The following SARDH variants were observed in gnomAD, a reference collection of about 807,000 sequenced individuals.
SARDH encodes the protein sarcosine dehydrogenase, mitochondrial.
Under a neutral mutation model 109.1 loss-of-function variants are expected in SARDH, and 95 were observed. The ratio of observed to expected loss-of-function variants is 0.87; its 90% CI spans 0.74 to 1.03. The LOEUF (loss-of-function observed/expected upper bound fraction) is 1.03. SARDH is among the 50% of genes least tolerant of loss of function. The pLI is 0.00. For missense variants in SARDH, 1,267 were observed against 1,287.8 expected, an observed-to-expected ratio of 0.98 and a Z score of 0.25; for synonymous variants, 572 against 534.8, an observed-to-expected ratio of 1.07 and a Z score of -0.96.
At chr9:133,668,275 GTCCCTCTCCCTCCCTCTCCC>G (rs201431408) in intron 19 of SARDH, among the ~76,000 whole-genome samples, 22 of 107,350 alleles carry the variant, frequency 2.0e-4, no homozygotes, top group East Asian at 6.4e-4. Context: ...TCCACTCACC[GTCCCTCTCCCTCCCTCTCCC>G]TCCCTCTCCC....
chr9:133,730,246 C>T (rs1254717780), intron 4 of SARDH, 59 bp from the exon 5 acceptor site: 7 of 1,594,258 alleles, frequency 4.4e-6, no homozygotes, highest in Non-Finnish European at 6.0e-6. Flanking sequence ...GTGCTTCCCA[C>T]CCCACTCCAA....
intron 8 of SARDH, among the ~76,000 whole-genome samples, chr9:133,715,001 C>T (rs1434553253): frequency 6.6e-6 from 1 of 152,190 alleles, no homozygotes; most frequent in Non-Finnish European, 1.5e-5. Context: ...GGTTGAGTAA[C>T]CCGAGGACAC....
chr9:133,671,030 C>T (rs2073834), intron 18 of SARDH, among the ~76,000 whole-genome samples: 76,584 of 151,722 alleles, frequency 0.5, 19,642 homozygotes, highest in East Asian at 0.78. Context: ...TCCCAATGCC[C>T]AAGCTGGGTG....
chr9:133,692,760 T>C lies in SARDH; in HGVS notation c.1921+1498A>G, dbSNP rs1831146737. 6.6e-6 allele frequency among the ~76,000 whole-genome samples: 1 copy of C among 152,126 alleles called. No individual in the cohort carries two copies. The highest frequency in any genetic ancestry group is 1.5e-5 in the Non-Finnish European group (1 of 68,020). ...TTCCACACAGTGCAGGCTCACGTGA[T>C]GACTGTTGAGGGAACGAGCGAAGGA... On this transcript the variant is annotated intron_variant, in intron 15 of 20. Coordinates refer to ENST00000439388, the MANE Select transcript of SARDH (RefSeq NM_001134707.2). The surrounding 1 kb of genome is among the most constrained non-coding windows in gnomAD (Gnocchi z 5.0).
chr9:133,729,157 G>A (rs1318499821), intron 6 of SARDH, among the ~76,000 whole-genome samples: 2 of 152,058 alleles, frequency 1.3e-5, no homozygotes, highest in Non-Finnish European at 2.9e-5. Flanking sequence ...ACAGAGAGAG[G>A]AATGAGTAAG....
intron 8 of SARDH, among the ~76,000 whole-genome samples, chr9:133,716,525 C>G (rs1832127965): frequency 6.6e-6 from 1 of 152,180 alleles, no homozygotes; most frequent in South Asian, 2.1e-4. Flanking sequence ...CACCCGCCCC[C>G]TGGGGCAGAG....
chr9:133,736,939 C>A (rs550413282), intron 1 of SARDH, among the ~76,000 whole-genome samples: 2 of 152,338 alleles, frequency 1.3e-5, no homozygotes, highest in East Asian at 3.9e-4. Flanking sequence ...TAGCTATGCA[C>A]GTTCGTTCAC....
In SARDH at chr9:133,679,713, C is replaced by T. The variant is rs1359165271; in HGVS notation, c.2163+5480G>A. 2.0e-5 allele frequency among the ~76,000 whole-genome samples: 3 copies of T among 152,250 alleles called. No individual in the cohort carries two copies. The East Asian group carries it at 5.8e-4, about 29-fold the overall frequency. ...CTCCCCACCCTGCTTCCTCCTCTAG[C>T]AGTCCAGGGATCGTGGCAGCCTGGG... is the stretch of plus-strand genomic sequence containing the variant. On this transcript the variant is annotated intron_variant, in intron 17 of 20. Coordinates refer to ENST00000439388, the MANE Select transcript of SARDH (RefSeq NM_001134707.2).
chr9:133,718,680 A>G lies in SARDH; in HGVS notation c.1020+258T>C, dbSNP rs1832215398. ...GCTCTCATGCCCTTCTGAGGTCATCACTCCACACTGCGCAGACCTTCTCTG... is the reference window on the plus strand; with the variant it reads ...GCTCTCATGCCCTTCTGAGGTCATCGCTCCACACTGCGCAGACCTTCTCTG... On this transcript the variant is annotated intron_variant, in intron 7 of 20. Transcript: ENST00000439388. The surrounding 1 kb of genome is among the most constrained non-coding windows in gnomAD (Gnocchi z 4.2). The G allele has an allele frequency of 1.3e-6, 1 of 778,878 alleles. No homozygotes were observed. The highest frequency in any genetic ancestry group is 2.4e-6 in the Non-Finnish European group (1 of 417,854). 48.2% of individuals were successfully genotyped at this position (778,878 alleles called of 1,614,324 possible). A position where few individuals can be genotyped will look rare whatever the true frequency, so the allele number is the denominator to read the frequency against.
upstream of SARDH, among the ~76,000 whole-genome samples, chr9:133,739,093 T>C (rs1412110480): frequency 6.6e-6 from 1 of 152,096 alleles, no homozygotes; most frequent in Non-Finnish European, 1.5e-5. Context: ...AGTTACCCCT[T>C]CCCAGACAGA....
intron 12 of SARDH, chr9:133,703,234 G>T (rs754759110): frequency 4.7e-5 from 27 of 577,460 alleles, no homozygotes; most frequent in Non-Finnish European, 8.1e-5. Flanking sequence ...GAGGCCGCAG[G>T]GTTGCCTGGT....
chr9:133,733,824 C>T lies in SARDH; in HGVS notation c.331+19G>A. 2.1e-6 allele frequency: 3 copies of T among 1,448,548 alleles called. No individual in the cohort carries two copies. The highest frequency in any genetic ancestry group is 2.7e-6 in the Non-Finnish European group (3 of 1,097,694). 89.7% of individuals were successfully genotyped at this position (1,448,548 alleles called of 1,614,324 possible). On this transcript the variant is annotated intron_variant, in intron 2 of 20. Coordinates refer to ENST00000439388, the MANE Select transcript of SARDH (RefSeq NM_001134707.2). ...TATGTCCTATCCTTCCCTGCCCCTA[C>T]CTGGCCCCCGGTCCCTACCTGCCGT...
chr9:133,678,979 G>C (rs112263631), intron 17 of SARDH, among the ~76,000 whole-genome samples: 23 of 152,266 alleles, frequency 1.5e-4, no homozygotes, highest in African/African-American at 5.3e-4. Context: ...AAGTCTCCAA[G>C]GCCCCCAGCT....
chr9:133,708,263 C>T (rs1664976451), intron 11 of SARDH, 24 bp downstream of exon 11: 1 of 1,604,192 alleles, frequency 6.2e-7, no homozygotes, highest in African/African-American at 1.3e-5. Context: ...TGCCAGTCCC[C>T]AGCAGGAGCT....
At chr9:133,689,909 A>T (rs2131379312) in intron 16 of SARDH, among the ~76,000 whole-genome samples, 1 of 152,330 alleles carries the variant, frequency 6.6e-6, no homozygotes, top group African/African-American at 2.4e-5. Flanking sequence ...ACAGCCCGGC[A>T]GGTGTTTATA....
chr9:133,723,232 C>T (rs1029097268), intron 6 of SARDH, among the ~76,000 whole-genome samples: 3 of 152,212 alleles, frequency 2.0e-5, no homozygotes, highest in African/African-American at 7.2e-5. Context: ...AGCTTCAACA[C>T]AATGCCTGTC....
chr9:133,663,654 G>T lies in SARDH; in HGVS notation c.*235C>A. The T allele has an allele frequency of 3.5e-6, 2 of 570,544 alleles. No individual in the cohort carries two copies. The highest frequency in any genetic ancestry group is 6.2e-6 in the Non-Finnish European group (2 of 322,562). The allele number at this position is 570,544 out of a possible 1,614,324, so 35.3% of individuals were successfully genotyped here. A position where few individuals can be genotyped will look rare whatever the true frequency, so the allele number is the denominator to read the frequency against. On this transcript the variant is annotated 3_prime_UTR_variant, in exon 21 of 21. Transcript: ENST00000439388. ...GTCCCTGAGCCCAAGACACTTACAG[G>T]TTTGCTTTCTGGGAGGATTGGGGTG...
chr9:133,703,048 G>A lies in SARDH; in HGVS notation c.1555-19C>T. 1 of 1,601,976 alleles carries A rather than the reference G, an allele frequency of 6.2e-7. No homozygotes were observed. Among genetic ancestry groups the A allele is most frequent in the Non-Finnish European group, 8.5e-7 (1 of 1,173,896 alleles). On this transcript the variant is annotated intron_variant, in intron 12 of 20. Transcript: ENST00000439388. The stretch of plus-strand genomic sequence containing the variant: ...CGAGGACCTGGGAAGAAAAGACGTG[G>A]TCCTCAGCCTGCCTCTTTGGCCCCT...
chr9:133,676,190 C>A (rs1186064875), intron 17 of SARDH, among the ~76,000 whole-genome samples: 1 of 152,022 alleles, frequency 6.6e-6, no homozygotes, highest in East Asian at 1.9e-4. Flanking sequence ...AAGGAAGGAA[C>A]TTCGGATGCA....
Sources: allele counts gnomAD v4.1 joint callset (sites outside exome capture counted in the v4.1 genomes callset), GRCh38; gene constraint gnomAD v4.1.1; non-coding constraint Gnocchi (gnomAD v3.1); transcripts MANE v1.5; gene names NCBI Gene and HGNC (gene_info 2026-07-23, HGNC 2026-07-21).